The following SUCLG2 variants were observed in gnomAD, a reference collection of about 807,000 sequenced individuals.
SUCLG2 encodes succinate-CoA ligase GDP-forming subunit beta.
In SUCLG2, 42 loss-of-function variants were observed where a neutral mutation model predicts 47.9. The observed-to-expected ratio is 0.88, with a 90% CI of 0.69 to 1.14. The LOEUF (loss-of-function observed/expected upper bound fraction) is 1.14, where lower values mean the gene tolerates loss of function less well. Among genes scored for constraint, SUCLG2 ranks in the 50% most tolerant of loss-of-function variants. The pLI is 0.00. For missense variants in SUCLG2, 571 were observed against 525.9 expected (o/e 1.09, Z -0.84); for synonymous variants, 195 against 197.3 (o/e 0.99, Z 0.10).
chr3:67,578,899 C>T (rs989056433), intron 2 of SUCLG2, among the ~76,000 whole-genome samples: 3 of 152,174 alleles, frequency 2.0e-5, no homozygotes, highest in African/African-American at 4.8e-5. Flanking sequence ...GAGAGCAACA[C>T]GGAGAGGCCA....
chr3:67,546,031 AACG>A (rs1706854345), intron 2 of SUCLG2, among the ~76,000 whole-genome samples: 1 of 152,202 alleles, frequency 6.6e-6, no homozygotes, highest in African/African-American at 2.4e-5. Context: ...CTGTTTTCAA[AACG>A]ACATTTCTGA....
At chr3:67,471,553 C>G (rs1180490478) in intron 9 of SUCLG2, among the ~76,000 whole-genome samples, 1 of 152,144 alleles carries the variant, frequency 6.6e-6, no homozygotes, top group East Asian at 1.9e-4. Context: ...GAGAGAAAGA[C>G]AGAGAACTCT....
intron 9 of SUCLG2, among the ~76,000 whole-genome samples, chr3:67,461,838 T>A (rs1158909636): frequency 1.3e-5 from 2 of 152,048 alleles, no homozygotes; most frequent in African/African-American, 4.8e-5. Context: ...CTGGGAAGAT[T>A]TCCAAGGAGA....
chr3:67,423,757 T>C (rs967460431), intron 9 of SUCLG2, among the ~76,000 whole-genome samples: 2 of 152,216 alleles, frequency 1.3e-5, no homozygotes, highest in Non-Finnish European at 2.9e-5. Context: ...ATTTTTGACA[T>C]CAGAATCCCC....
At chr3:67,612,468 T>C (rs1176151211) in intron 1 of SUCLG2, among the ~76,000 whole-genome samples, 2 of 152,126 alleles carry the variant, frequency 1.3e-5, no homozygotes, top group African/African-American at 2.4e-5. Flanking sequence ...AAATGGATGG[T>C]AGAAAGTACG....
chr3:67,571,674 C>T (rs1157815299), intron 2 of SUCLG2, among the ~76,000 whole-genome samples: 1 of 152,172 alleles, frequency 6.6e-6, no homozygotes, highest in East Asian at 1.9e-4. Flanking sequence ...AATGTTCACC[C>T]TATATCATTT....
At chr3:67,543,975 C>T (rs528027162) in intron 2 of SUCLG2, among the ~76,000 whole-genome samples, 17 of 152,266 alleles carry the variant, frequency 1.1e-4, no homozygotes, top group South Asian at 6.2e-4. Flanking sequence ...TGGCTGAATA[C>T]CTTATAACAT....
intron 4 of SUCLG2, among the ~76,000 whole-genome samples, chr3:67,523,213 A>G (rs1210229909): frequency 6.6e-6 from 1 of 152,228 alleles, no homozygotes; most frequent in Non-Finnish European, 1.5e-5. Flanking sequence ...ATGAAATGGG[A>G]TAAATATATA....
At chr3:67,383,350 T>C (rs186736217) in intron 10 of SUCLG2, among the ~76,000 whole-genome samples, 27 of 152,330 alleles carry the variant, frequency 1.8e-4, no homozygotes, top group African/African-American at 5.8e-4. Flanking sequence ...TGTTCCCAAG[T>C]AGCTGAACAA....
chr3:67,529,060 AC>A (rs747592703), intron 3 of SUCLG2, 26 bp downstream of exon 3: 43 of 1,574,110 alleles, frequency 2.7e-5, no homozygotes, highest in Non-Finnish European at 3.4e-5. Flanking sequence ...TGGCCAAAAG[AC>A]AAGGAATAAC....
chr3:67,540,402 TC>T (rs1217530601), intron 2 of SUCLG2, among the ~76,000 whole-genome samples: 2 of 152,062 alleles, frequency 1.3e-5, no homozygotes, highest in Non-Finnish European at 2.9e-5. Context: ...TAGGTGGTTT[TC>T]CCCTAGTAGT....
chr3:67,378,683 T>C (rs1702087555), intron 10 of SUCLG2, among the ~76,000 whole-genome samples: 1 of 152,340 alleles, frequency 6.6e-6, no homozygotes, highest in East Asian at 1.9e-4. Flanking sequence ...ATAATAACTG[T>C]TCTTTTTGTT....
At chr3:67,550,124 G>A (rs1706974028) in intron 2 of SUCLG2, among the ~76,000 whole-genome samples, 2 of 152,088 alleles carry the variant, frequency 1.3e-5, no homozygotes, top group Admixed American at 6.5e-5. Context: ...TCTTCCCTGG[G>A]CCTGGGGCAC....
intron 10 of SUCLG2, among the ~76,000 whole-genome samples, chr3:67,381,203 TA>T (rs369229737): frequency 0.059 from 2,068 of 35,316 alleles, 24 homozygotes; most frequent in Middle Eastern, 0.13. Flanking sequence ...AATAAATAAA[TA>T]AAATAAAATA....
intron 2 of SUCLG2, among the ~76,000 whole-genome samples, chr3:67,593,347 T>C (rs1045274339): frequency 6.9e-6 from 1 of 144,008 alleles, no homozygotes; most frequent in Admixed American, 6.9e-5. Context: ...CAACTAAAAG[T>C]TGTTATCCTA....
intron 9 of SUCLG2, among the ~76,000 whole-genome samples, chr3:67,426,770 T>C (rs1006148881): frequency 1.3e-5 from 2 of 151,896 alleles, no homozygotes; most frequent in Non-Finnish European, 2.9e-5. Flanking sequence ...TCTACAAAAA[T>C]ACAAAAAATT....
chr3:67,622,730 T>C (rs1169494003), intron 1 of SUCLG2, among the ~76,000 whole-genome samples: 1 of 152,098 alleles, frequency 6.6e-6, no homozygotes, highest in East Asian at 1.9e-4. Flanking sequence ...TCTAACTACT[T>C]TGAAAAGATT....
chr3:67,456,431 T>C (rs1167656025), intron 9 of SUCLG2, among the ~76,000 whole-genome samples: 1 of 152,222 alleles, frequency 6.6e-6, no homozygotes, highest in Admixed American at 6.5e-5. Flanking sequence ...TCAATCCCGG[T>C]ATAAGCCCTC....
intron 10 of SUCLG2, among the ~76,000 whole-genome samples, chr3:67,362,321 G>C (rs896578460): frequency 1.3e-5 from 2 of 152,090 alleles, no homozygotes; most frequent in African/African-American, 2.4e-5. Flanking sequence ...GGCCCCTTAC[G>C]TTGGCCAGCT....
Sources: gnomAD v4.1 joint callset for allele counts (sites outside exome capture counted in the v4.1 genomes callset) on GRCh38, gnomAD v4.1.1 for gene constraint, MANE v1.5 for transcripts, NCBI Gene and HGNC (gene_info 2026-07-23, HGNC 2026-07-21) for gene names.